Variants in ABCB7 observed in about 807,000 individuals in gnomAD.
ABCB7 encodes the protein ATP binding cassette subfamily B member 7.
A neutral mutation model predicts 54.4 loss-of-function variants in ABCB7; 7 were observed. That is an observed-to-expected ratio of 0.13 (90% confidence interval 0.07 to 0.24). The LOEUF (loss-of-function observed/expected upper bound fraction) is 0.24, where lower values mean the gene tolerates loss of function less well. Among genes scored for constraint, ABCB7 ranks in the 10% least tolerant of loss-of-function variants. The probability of loss-of-function intolerance (pLI) is 1.00; values close to 1 mark genes in which losing one functional copy is unlikely to be tolerated. For missense variants in ABCB7, 356 were observed against 570.4 expected, an observed-to-expected ratio of 0.62 and a Z score of 3.83; for synonymous variants, 218 against 207.1, an observed-to-expected ratio of 1.05 and a Z score of -0.45.
chrX:75,107,650 C>T (rs1198065418), intron 3 of ABCB7, among the ~76,000 whole-genome samples: 2 of 111,966 alleles, frequency 1.8e-5, no homozygotes, highest in African/African-American at 3.2e-5. Context: ...CCTACCAACA[C>T]TCATCACCTG....
chrX:75,156,059 G>A (rs2082173191), intron 1 of ABCB7, 46 bp downstream of exon 1: 3 of 1,195,492 alleles, frequency 2.5e-6, no homozygotes, highest in Admixed American at 2.2e-5. Flanking sequence ...TTCCCTACAG[G>A]TCCCCTTGCC....
intron 1 of ABCB7, among the ~76,000 whole-genome samples, chrX:75,143,078 A>C (rs752724648): frequency 8.9e-6 from 1 of 112,489 alleles, no homozygotes; most frequent in African/African-American, 3.2e-5. Flanking sequence ...TTATTTAAAT[A>C]GATTTACTCT....
At chrX:75,141,905 C>T (rs969621420) in intron 1 of ABCB7, among the ~76,000 whole-genome samples, 2 of 111,022 alleles carry the variant, frequency 1.8e-5, no homozygotes, top group Non-Finnish European at 3.8e-5. Flanking sequence ...AGGAGCCAAC[C>T]TAAAAGGATC....
chrX:75,120,492 C>T (rs1332797292), intron 1 of ABCB7, among the ~76,000 whole-genome samples: 1 of 109,930 alleles, frequency 9.1e-6, no homozygotes. Context: ...GCCTGTAATC[C>T]GAGCTACTTG....
At chrX:75,134,651 T>A (rs771915804) in intron 1 of ABCB7, among the ~76,000 whole-genome samples, 1 of 111,355 alleles carries the variant, frequency 9.0e-6, no homozygotes, top group Admixed American at 9.5e-5. Context: ...AAAATAAAAA[T>A]AAAAATCAAT....
intron 1 of ABCB7, among the ~76,000 whole-genome samples, chrX:75,150,596 C>T (rs1444687546): frequency 9.0e-6 from 1 of 111,109 alleles, no homozygotes; most frequent in Non-Finnish European, 1.9e-5. Context: ...AATTATTTAA[C>T]ATGTGGGATT....
At chrX:75,143,384 A>G (rs867527728) in intron 1 of ABCB7, among the ~76,000 whole-genome samples, 4 of 111,534 alleles carry the variant, frequency 3.6e-5, no homozygotes, top group African/African-American at 1.3e-4. Context: ...GTCCATTATC[A>G]TTATCAGCAT....
chrX:75,139,734 G>A (rs2082040489), intron 1 of ABCB7, among the ~76,000 whole-genome samples: 1 of 112,066 alleles, frequency 8.9e-6, no homozygotes, highest in African/African-American at 3.2e-5. Context: ...TATAAACATT[G>A]ATTTAACTTA....
intron 1 of ABCB7, among the ~76,000 whole-genome samples, chrX:75,139,006 C>CAAA (rs60785681): frequency 1.1e-3 from 61 of 57,807 alleles, no homozygotes; most frequent in African/African-American, 3.7e-3. Context: ...GACTCTGCCT[C>CAAA]AAAAAAAAAA....
chrX:75,142,158 G>A (rs1173871205), intron 1 of ABCB7, among the ~76,000 whole-genome samples: 3 of 110,884 alleles, frequency 2.7e-5, no homozygotes, highest in African/African-American at 9.8e-5. Flanking sequence ...CTGGTTCCAG[G>A]AACCCCTATA....
intron 3 of ABCB7, among the ~76,000 whole-genome samples, chrX:75,104,451 T>C (rs1230145801): frequency 9.1e-6 from 1 of 109,530 alleles, no homozygotes. Context: ...AGAGGAAATA[T>C]ATAAATTTCT....
rs1211086404 is a variant in ABCB7, at chrX:75,052,701, C to A, written c.*669G>T. The A allele has an allele frequency of 9.3e-6, 1 of 108,031 alleles. No homozygotes were observed. Among genetic ancestry groups the A allele is most frequent in the Non-Finnish European group, 1.9e-5 (1 of 52,421 alleles). 8.9% of individuals were successfully genotyped at this position (108,031 alleles called of 1,213,427 possible). A position where few individuals can be genotyped will look rare whatever the true frequency, so the allele number is the denominator to read the frequency against. ...GGCCAAGGCATGATAATTGCTTGAACTCAGAAGACAGAGGTTGCAGAGAGC... is the reference window on the plus strand; with the variant it reads ...GGCCAAGGCATGATAATTGCTTGAAATCAGAAGACAGAGGTTGCAGAGAGC... On this transcript the variant is annotated 3_prime_UTR_variant, in exon 16 of 16. Coordinates refer to ENST00000373394, the MANE Select transcript of ABCB7 (RefSeq NM_001271696.3).
intron 12 of ABCB7, among the ~76,000 whole-genome samples, chrX:75,068,201 C>T (rs1569218854): frequency 9.0e-6 from 1 of 110,921 alleles, no homozygotes; most frequent in Non-Finnish European, 1.9e-5. Flanking sequence ...ATTTTGCAAG[C>T]TACATATCCC....
chrX:75,061,104 TTTAC>T (rs2147450305), intron 14 of ABCB7, among the ~76,000 whole-genome samples: 1 of 111,724 alleles, frequency 9.0e-6, no homozygotes, highest in South Asian at 3.7e-4. Flanking sequence ...AAGATCTTAT[TTTAC>T]TAGGGCAGAC....
chrX:75,096,049 T>G (rs996520597), intron 4 of ABCB7, among the ~76,000 whole-genome samples: 5 of 112,128 alleles, frequency 4.5e-5, no homozygotes, highest in Non-Finnish European at 7.5e-5. Context: ...AAAGAAAGTC[T>G]AGAAAACAAT....
At chrX:75,116,546 G>A (rs2081822237) in intron 1 of ABCB7, among the ~76,000 whole-genome samples, 1 of 111,486 alleles carries the variant, frequency 9.0e-6, no homozygotes, top group Non-Finnish European at 1.9e-5. Context: ...GCAGAATAAA[G>A]ACTCTCTCCA....
intron 4 of ABCB7, among the ~76,000 whole-genome samples, chrX:75,084,377 A>C (rs1451261362): frequency 8.9e-6 from 1 of 112,013 alleles, no homozygotes; most frequent in Middle Eastern, 4.2e-3. Flanking sequence ...CTGGAAAAAA[A>C]TTCAATTTGG....
intron 4 of ABCB7, among the ~76,000 whole-genome samples, chrX:75,078,909 G>C (rs2081432866): frequency 8.9e-6 from 1 of 111,796 alleles, no homozygotes; most frequent in Non-Finnish European, 1.9e-5. Flanking sequence ...GCAGATTCCA[G>C]GTTTTCCATT....
chrX:75,137,136 C>T (rs747003886), intron 1 of ABCB7, among the ~76,000 whole-genome samples: 7 of 111,965 alleles, frequency 6.3e-5, no homozygotes, highest in Admixed American at 1.9e-4. Context: ...ACTATGTATC[C>T]GACAAAGGTC....
Sources: gnomAD v4.1 joint callset for allele counts (sites outside exome capture counted in the v4.1 genomes callset) on GRCh38, gnomAD v4.1.1 for gene constraint, MANE v1.5 for transcripts, NCBI Gene and HGNC (gene_info 2026-07-23, HGNC 2026-07-21) for gene names.